The following SIK2 variants were observed in gnomAD, a reference collection of about 807,000 sequenced individuals.
SIK2 encodes the protein serine/threonine-protein kinase SIK2.
In SIK2, 29 loss-of-function variants were observed where a neutral mutation model predicts 103.2. That is an observed-to-expected ratio of 0.28 (90% CI 0.21 to 0.38). The LOEUF is 0.38. Ranked by LOEUF, SIK2 falls within the 10% of genes least tolerant of loss-of-function variation. The probability of loss-of-function intolerance (pLI) is 1.00; values close to 1 mark genes in which losing one functional copy is unlikely to be tolerated. For missense variants in SIK2, 879 were observed against 1,171.0 expected (o/e 0.75, Z 3.64); for synonymous variants, 412 against 446.1 (o/e 0.92, Z 0.96).
At chr11:111,673,059 C>A (rs1186486959) in intron 3 of SIK2, among the ~76,000 whole-genome samples, 1 of 152,106 alleles carries the variant, frequency 6.6e-6, no homozygotes, top group Non-Finnish European at 1.5e-5. Flanking sequence ...CAAGACTAAC[C>A]ACTTAAACCA....
At chr11:111,707,436 C>G (rs1015475960) in intron 8 of SIK2, among the ~76,000 whole-genome samples, 6 of 152,126 alleles carry the variant, frequency 3.9e-5, no homozygotes, top group African/African-American at 1.2e-4. Flanking sequence ...TTTTAAATTA[C>G]CAAGCACTCT....
chr11:111,640,170 T>G (rs1226675987), intron 3 of SIK2, among the ~76,000 whole-genome samples: 1 of 152,226 alleles, frequency 6.6e-6, no homozygotes, highest in Non-Finnish European at 1.5e-5. Context: ...TGTCTGTATA[T>G]CTTAGCTTGT....
At chr11:111,685,568 G>A (rs1942834375) in intron 3 of SIK2, among the ~76,000 whole-genome samples, 1 of 152,180 alleles carries the variant, frequency 6.6e-6, no homozygotes, top group Non-Finnish European at 1.5e-5. Flanking sequence ...TTAGGGTCTG[G>A]TGTGATGGCT....
At chr11:111,635,179 A>G (rs1942090322) in intron 3 of SIK2, among the ~76,000 whole-genome samples, 1 of 152,080 alleles carries the variant, frequency 6.6e-6, no homozygotes, top group Non-Finnish European at 1.5e-5. Flanking sequence ...TGGGTCGGAC[A>G]TTAAAAGAAA....
At chr11:111,642,428 A>T (rs943203408) in intron 3 of SIK2, among the ~76,000 whole-genome samples, 1 of 152,180 alleles carries the variant, frequency 6.6e-6, no homozygotes, top group African/African-American at 2.4e-5. Context: ...CAGTTTACTT[A>T]CATGCACTGG....
At chr11:111,707,582 C>T (rs909401322) in intron 8 of SIK2, among the ~76,000 whole-genome samples, 3 of 152,176 alleles carry the variant, frequency 2.0e-5, no homozygotes, top group Admixed American at 6.5e-5. Flanking sequence ...TGCTGAGCAA[C>T]AGGCCCCCTC....
Position 111,724,448 on chromosome 11 carries a change from C to G in SIK2, c.*319C>G. On this transcript the variant is annotated 3_prime_UTR_variant, in exon 15 of 15. Transcript: ENST00000304987. ...AAGACATTCAGACCCAGGTGTTATG[C>G]AGGATTACATCCGTTTATTATCAAG... is the stretch of plus-strand genomic sequence containing the variant. The G allele has an allele frequency of 2.9e-6, 1 of 343,244 alleles. No homozygotes were observed. The highest frequency in any genetic ancestry group is 5.4e-6 in the Non-Finnish European group (1 of 184,834). The allele number at this position is 343,244 out of a possible 1,614,324, so 21.3% of individuals were successfully genotyped here.
At chr11:111,616,172 T>C in intron 1 of SIK2, 71 bp from the exon 2 acceptor site, 2 of 1,004,780 alleles carry the variant, frequency 2.0e-6, no homozygotes, top group Non-Finnish European at 3.1e-6. Context: ...TGTCATTTAT[T>C]GACAGGATTC....
intron 9 of SIK2, among the ~76,000 whole-genome samples, chr11:111,718,363 C>T (rs540937731): frequency 6.6e-6 from 1 of 152,170 alleles, no homozygotes; most frequent in Non-Finnish European, 1.5e-5. Flanking sequence ...GGGGAAGGAC[C>T]AAGGAGAGAG....
At chr11:111,676,874 G>A (rs1942709768) in intron 3 of SIK2, among the ~76,000 whole-genome samples, 1 of 152,116 alleles carries the variant, frequency 6.6e-6, no homozygotes, top group Non-Finnish European at 1.5e-5. Flanking sequence ...ATAGCTATCT[G>A]GATGTATTTA....
At chr11:111,623,239 C>G (rs183636963) in intron 3 of SIK2, among the ~76,000 whole-genome samples, 193 of 152,292 alleles carry the variant, frequency 1.3e-3, no homozygotes, top group African/African-American at 4.5e-3. Flanking sequence ...TTGACTAGGA[C>G]TGTTTTTTAA....
intron 9 of SIK2, among the ~76,000 whole-genome samples, chr11:111,719,253 C>T (rs1305567475): frequency 6.6e-6 from 1 of 151,842 alleles, no homozygotes; most frequent in African/African-American, 2.4e-5. Flanking sequence ...CAATTAAAGA[C>T]TAAATCAAAT....
chr11:111,659,883 C>T (rs875258), intron 3 of SIK2, among the ~76,000 whole-genome samples: 1 of 152,018 alleles, frequency 6.6e-6, no homozygotes, highest in Non-Finnish European at 1.5e-5. Flanking sequence ...GAGACGCAAC[C>T]GTGTCAAGGA....
chr11:111,649,511 A>T, intron 3 of SIK2, among the ~76,000 whole-genome samples: 1 of 152,042 alleles, frequency 6.6e-6, no homozygotes, highest in Non-Finnish European at 1.5e-5. Flanking sequence ...AAAGTCACTT[A>T]TTAGGTACCA....
intron 1 of SIK2, among the ~76,000 whole-genome samples, chr11:111,611,117 T>TGC (rs1555023904): frequency 3.5e-4 from 53 of 150,394 alleles, no homozygotes; most frequent in South Asian, 1.1e-3. Context: ...TGTGTGTGTG[T>TGC]GCACACCTGT....
chr11:111,701,666 T>G lies in SIK2; in HGVS notation c.727+91T>G. 6.7e-7 allele frequency: 1 copy of G among 1,488,526 alleles called. No individual in the cohort carries two copies. The highest frequency in any genetic ancestry group is 9.0e-7 in the Non-Finnish European group (1 of 1,105,468). The allele number at this position is 1,488,526 out of a possible 1,614,324, so 92.2% of individuals were successfully genotyped here. ...TAAAAGCTTCTTTTTTTCTAAGAGT[T>G]TGGGTGCCAAATAAAGTGACTGAGC... On this transcript the variant is annotated intron_variant, in intron 6 of 14. Coordinates refer to ENST00000304987, the MANE Select transcript of SIK2 (RefSeq NM_015191.3). The surrounding 1 kb of genome is among the most constrained non-coding windows in gnomAD (Gnocchi z 4.2).
chr11:111,630,363 A>G (rs1183077202), intron 3 of SIK2, among the ~76,000 whole-genome samples: 1 of 152,144 alleles, frequency 6.6e-6, no homozygotes, highest in Non-Finnish European at 1.5e-5. Flanking sequence ...ATCTTGGGTG[A>G]TGGAAATGGA....
At chr11:111,653,154 C>G (rs1388450679) in intron 3 of SIK2, among the ~76,000 whole-genome samples, 1 of 152,110 alleles carries the variant, frequency 6.6e-6, no homozygotes, top group African/African-American at 2.4e-5. Flanking sequence ...TACCCTTCCC[C>G]TCAACCAGAA....
At chr11:111,607,507 C>G (rs981258913) in intron 1 of SIK2, among the ~76,000 whole-genome samples, 6 of 152,094 alleles carry the variant, frequency 3.9e-5, no homozygotes, top group African/African-American at 1.4e-4. Flanking sequence ...AATTTTAAGA[C>G]TCCTTTCAGT....
Sources: allele counts gnomAD v4.1 joint callset (sites outside exome capture counted in the v4.1 genomes callset), GRCh38; gene constraint gnomAD v4.1.1; non-coding constraint Gnocchi (gnomAD v3.1); transcripts MANE v1.5; gene names NCBI Gene and HGNC (gene_info 2026-07-23, HGNC 2026-07-21).